DUSP15: variants seen among roughly 807,000 people sequenced by gnomAD.
The protein encoded by DUSP15 is dual specificity protein phosphatase 15.
In DUSP15, 23 loss-of-function variants were observed where a neutral mutation model predicts 26.3. That is an observed-to-expected ratio of 0.87 (90% CI 0.63 to 1.24). DUSP15 has a LOEUF of 1.24. Ranked by LOEUF, DUSP15 falls within the 50% of genes most tolerant of loss-of-function variation. The pLI is 0.00. For synonymous variants in DUSP15, 143 were observed against 135.5 expected, an observed-to-expected ratio of 1.06 and a Z score of -0.39; for missense variants, 364 against 320.6, an observed-to-expected ratio of 1.14 and a Z score of -1.03.
intron 4 of DUSP15, 73 bp downstream of exon 4, chr20:31,864,880 C>G: frequency 6.5e-7 from 1 of 1,535,052 alleles, no homozygotes; most frequent in Non-Finnish European, 9.0e-7. Context: ...TGTCCTCCTT[C>G]AAACCCCCTC....
chr20:31,851,550 G>T (rs2062471428), intron 6 of DUSP15, among the ~76,000 whole-genome samples: 1 of 152,130 alleles, frequency 6.6e-6, no homozygotes, highest in African/African-American at 2.4e-5. Flanking sequence ...GGAATGGCCT[G>T]GTGGTGCTGC....
downstream of DUSP15, chr20:31,847,627 G>C (rs2062390974): frequency 1.3e-5 from 2 of 152,144 alleles, no homozygotes; most frequent in East Asian, 1.9e-4. Context: ...AGAATAAAAG[G>C]CCTGATATGT....
intron 8 of DUSP15, chr20:31,849,541 C>T (rs773861003): frequency 1.1e-6 from 1 of 927,638 alleles, no homozygotes; most frequent in Non-Finnish European, 1.8e-6. Flanking sequence ...GTCCTACCGC[C>T]TGGAGGAAGC....
At chr20:31,846,281 GACACAGACACAGAC>G (rs1568646798), downstream of DUSP15, among the ~76,000 whole-genome samples, 1 of 144,870 alleles carries the variant, frequency 6.9e-6, no homozygotes, top group Non-Finnish European at 1.5e-5. Flanking sequence ...GAAACACAGA[GACACAGACACAGAC>G]ACACACACAC....
intron 6 of DUSP15, among the ~76,000 whole-genome samples, chr20:31,854,981 AT>A (rs2062537978): frequency 6.6e-6 from 1 of 152,158 alleles, no homozygotes; most frequent in African/African-American, 2.4e-5. Context: ...ATGTTGATTT[AT>A]TAACACTGAA....
At chr20:31,846,959 G>T (rs968124513), downstream of DUSP15, among the ~76,000 whole-genome samples, 3 of 152,116 alleles carry the variant, frequency 2.0e-5, no homozygotes, top group East Asian at 1.9e-4. Flanking sequence ...GCTGCGGATT[G>T]TCACTCTGAA....
chr20:31,852,008 CT>C (rs59714323), intron 6 of DUSP15, among the ~76,000 whole-genome samples: 71,636 of 127,652 alleles, frequency 0.56, 18,324 homozygotes, highest in Non-Finnish European at 0.59. Context: ...TTCTTTCTTT[CT>C]TTTTTTTTTT....
At chr20:31,850,255 C>G (rs535911415) in intron 7 of DUSP15, among the ~76,000 whole-genome samples, 1 of 152,308 alleles carries the variant, frequency 6.6e-6, no homozygotes, top group Admixed American at 6.5e-5. Context: ...AACCAGCAAT[C>G]CTGCTCAGTG....
At chr20:31,867,233 C>A in intron 2 of DUSP15, 80 bp from the exon 3 acceptor site, 1 of 1,259,352 alleles carries the variant, frequency 7.9e-7, no homozygotes, top group Non-Finnish European at 1.1e-6. Context: ...TCACTGCCTG[C>A]CCAGCTCTCC....
chr20:31,846,195 CACACACAGACACATAGGCAT>C (rs1036424198), downstream of DUSP15, among the ~76,000 whole-genome samples: 4 of 151,094 alleles, frequency 2.6e-5, no homozygotes, highest in Admixed American at 6.6e-5. Flanking sequence ...CAGAGACAGA[CACACACAGACACATAGGCAT>C]ACACACAGAC....
At chr20:31,863,077 G>C (rs999641766) in intron 5 of DUSP15, among the ~76,000 whole-genome samples, 1 of 29,638 alleles carries the variant, frequency 3.4e-5, no homozygotes, top group African/African-American at 2.3e-4. Flanking sequence ...AGTATGGCTG[G>C]GGGGGGGGGA....
chr20:31,861,774 G>T lies in DUSP15; in HGVS notation c.436-99C>A. ...ACCCTCCCGACCTTCGCCCTTCTCC[G>T]AGCGTCCCACACCTCGCTGAGCCCC... On this transcript the variant is annotated intron_variant, in intron 6 of 6. Coordinates refer to ENST00000339738, the MANE Select transcript of DUSP15 (RefSeq NM_080611.5). 4 of 967,804 alleles carry T rather than the reference G, an allele frequency of 4.1e-6. No homozygotes were observed. In the South Asian group the frequency reaches 8.7e-5, roughly 21 times the overall value. The allele number at this position is 967,804 out of a possible 1,614,324, so 60.0% of individuals were successfully genotyped here. A position where few individuals can be genotyped will look rare whatever the true frequency, so the allele number is the denominator to read the frequency against.
chr20:31,869,699 T>A, intron 1 of DUSP15, 102 bp from the exon 2 acceptor site: 1 of 1,548,740 alleles, frequency 6.5e-7, no homozygotes. Context: ...CCATGAAGGG[T>A]ATGGACCTCA....
rs1600466217 is a variant in DUSP15, at chr20:31,861,785, A to T, written c.436-110T>A. 8 of 829,872 alleles carry T rather than the reference A, an allele frequency of 9.6e-6. No individual in the cohort carries two copies. The South Asian group carries it at 1.9e-4, about 20-fold the overall frequency. The allele number at this position is 829,872 out of a possible 1,614,324, so 51.4% of individuals were successfully genotyped here. A position where few individuals can be genotyped will look rare whatever the true frequency, so the allele number is the denominator to read the frequency against. ...CTTCGCCCTTCTCCGAGCGTCCCAC[A>T]CCTCGCTGAGCCCCTCCCTTCCTGA... On this transcript the variant is annotated intron_variant, in intron 6 of 6. Transcript: ENST00000339738.
intron 8 of DUSP15, chr20:31,848,919 C>G (rs1463562474): frequency 1.2e-6 from 2 of 1,603,222 alleles, no homozygotes; most frequent in Admixed American, 1.7e-5. Context: ...GGTGGGCACA[C>G]AATTATACGA....
At chr20:31,848,875 G>A in exon 9 of DUSP15, 1 of 1,612,258 alleles carries the variant, frequency 6.2e-7, no homozygotes, top group Admixed American at 1.7e-5. Flanking sequence ...AGCACAGACA[G>A]ATCTGGTACT....
chr20:31,867,660 T>TTC (rs1245798211), intron 2 of DUSP15, among the ~76,000 whole-genome samples: 1 of 78,340 alleles, frequency 1.3e-5, no homozygotes, highest in African/African-American at 4.8e-5. Context: ...TTTTTTTTTT[T>TTC]TTGAGACGGA....
At chr20:31,860,162 G>A (rs1265127396), downstream of DUSP15, among the ~76,000 whole-genome samples, 5 of 152,204 alleles carry the variant, frequency 3.3e-5, no homozygotes, top group Admixed American at 2.6e-4. Flanking sequence ...CTGGCACACA[G>A]TAGGTACTCA....
downstream of DUSP15, among the ~76,000 whole-genome samples, chr20:31,846,103 C>T (rs1181134930): frequency 1.5e-5 from 2 of 132,246 alleles, no homozygotes; most frequent in African/African-American, 3.5e-5. Flanking sequence ...CAGACATACA[C>T]GTACAGACAC....
Sources: allele counts gnomAD v4.1 joint callset (sites outside exome capture counted in the v4.1 genomes callset), GRCh38; gene constraint gnomAD v4.1.1; transcripts MANE v1.5; gene names NCBI Gene and HGNC (gene_info 2026-07-23, HGNC 2026-07-21).